Variants in SPPL3 observed in about 807,000 individuals in gnomAD.
The protein encoded by SPPL3 is signal peptide peptidase like 3.
Under a neutral mutation model 42.4 loss-of-function variants are expected in SPPL3, and 5 were observed. The ratio of observed to expected loss-of-function variants is 0.12; its 90% confidence interval spans 0.06 to 0.25. The LOEUF (loss-of-function observed/expected upper bound fraction) is 0.25. Among genes scored for constraint, SPPL3 ranks in the 10% least tolerant of loss-of-function variants. The probability of loss-of-function intolerance (pLI) is 1.00; values close to 1 mark genes in which losing one functional copy is unlikely to be tolerated. For missense variants in SPPL3, 235 were observed against 489.0 expected (o/e 0.48, Z 4.90); for synonymous variants, 195 against 181.8 (o/e 1.07, Z -0.58).
At chr12:120,875,106 C>T (rs984540700) in intron 1 of SPPL3, among the ~76,000 whole-genome samples, 2 of 152,180 alleles carry the variant, frequency 1.3e-5, no homozygotes, top group African/African-American at 2.4e-5. Flanking sequence ...CTTTGAGCTG[C>T]CTCAGCAGAG....
At chr12:120,771,308 C>T (rs1869111773) in intron 6 of SPPL3, among the ~76,000 whole-genome samples, 1 of 152,210 alleles carries the variant, frequency 6.6e-6, no homozygotes. Context: ...CCACAGCAGC[C>T]TCCTCACTCT....
chr12:120,874,631 G>A (rs1252289538), intron 1 of SPPL3, among the ~76,000 whole-genome samples: 1 of 152,080 alleles, frequency 6.6e-6, no homozygotes, highest in Non-Finnish European at 1.5e-5. Context: ...TCCTTTCCCA[G>A]CCCACATGCC....
chr12:120,793,920 T>C (rs1011144508), intron 2 of SPPL3, among the ~76,000 whole-genome samples: 5 of 152,238 alleles, frequency 3.3e-5, no homozygotes, highest in African/African-American at 9.6e-5. Context: ...TTAGGTCAAA[T>C]TGATTAAGAG....
intron 1 of SPPL3, 113 bp downstream of exon 1, chr12:120,903,732 G>GGCCCCCC: frequency 2.6e-6 from 1 of 385,022 alleles, no homozygotes; most frequent in Non-Finnish European, 4.3e-6. Context: ...CCCAACCCGC[G>GGCCCCCC]CCCCCCCCCC....
In SPPL3 at chr12:120,763,211, T is replaced by A. The variant is rs1429833776; in HGVS notation, c.*1788A>T. On this transcript the variant is annotated 3_prime_UTR_variant, in exon 11 of 11. Coordinates refer to ENST00000353487, the MANE Select transcript of SPPL3 (RefSeq NM_139015.5). ...CTCTGTTTGGTACCAACAACCAAAGTGAAGATTATGTGACAAAGGCTACAA... is the reference window on the plus strand; with the variant it reads ...CTCTGTTTGGTACCAACAACCAAAGAGAAGATTATGTGACAAAGGCTACAA... 6.6e-5 allele frequency: 10 copies of A among 152,016 alleles called. No homozygotes were observed. The highest frequency in any genetic ancestry group is 6.6e-4 in the Admixed American group (10 of 15,262). 9.4% of individuals were successfully genotyped at this position (152,016 alleles called of 1,614,324 possible). A position where few individuals can be genotyped will look rare whatever the true frequency, so the allele number is the denominator to read the frequency against.
chr12:120,844,800 G>A (rs1432836236), intron 1 of SPPL3, among the ~76,000 whole-genome samples: 1 of 151,464 alleles, frequency 6.6e-6, no homozygotes, highest in Non-Finnish European at 1.5e-5. Context: ...GACTCCCGGA[G>A]GCCAAGGGCC....
At chr12:120,903,742 CACGACACGCA>C in intron 1 of SPPL3, 93 bp downstream of exon 1, 5 of 744,118 alleles carry the variant, frequency 6.7e-6, no homozygotes, top group African/African-American at 1.9e-5. Flanking sequence ...GCCCCCCCCC[CACGACACGCA>C]CCTGTTCTTC....
At chr12:120,884,805 T>G (rs3180716) in intron 1 of SPPL3, among the ~76,000 whole-genome samples, 1,063 of 76,706 alleles carry the variant, frequency 0.014, 3 homozygotes, top group Middle Eastern at 0.052. Context: ...GTTTTTTTTT[T>G]GGGTTTTTTT....
chr12:120,800,002 T>C (rs996088042), intron 2 of SPPL3, among the ~76,000 whole-genome samples: 7 of 152,220 alleles, frequency 4.6e-5, no homozygotes, highest in Non-Finnish European at 7.3e-5. Flanking sequence ...TGGTAATTTA[T>C]TAAGTGCATA....
intron 2 of SPPL3, among the ~76,000 whole-genome samples, chr12:120,810,557 T>C (rs1001868599): frequency 2.0e-5 from 3 of 152,214 alleles, no homozygotes; most frequent in Admixed American, 2.0e-4. Flanking sequence ...CATTAGGTGA[T>C]TAATTTCAGA....
intron 1 of SPPL3, among the ~76,000 whole-genome samples, chr12:120,849,664 C>T (rs538626288): frequency 5.8e-4 from 88 of 152,286 alleles, no homozygotes; most frequent in Middle Eastern, 3.4e-3. Context: ...ATCAGGCATG[C>T]TAGTTAGCTA....
intron 1 of SPPL3, 90 bp downstream of exon 1, chr12:120,903,755 T>G: frequency 2.9e-5 from 11 of 384,296 alleles, no homozygotes; most frequent in East Asian, 8.2e-5. Flanking sequence ...GACACGCACC[T>G]GTTCTTCCTC....
intron 1 of SPPL3, among the ~76,000 whole-genome samples, chr12:120,868,610 T>C (rs1369621911): frequency 6.6e-6 from 1 of 152,180 alleles, no homozygotes; most frequent in Non-Finnish European, 1.5e-5. Context: ...GCCTCCCAAG[T>C]AGCTGGGACT....
chr12:120,902,482 TCA>T (rs1445708909), intron 1 of SPPL3, among the ~76,000 whole-genome samples: 12 of 152,322 alleles, frequency 7.9e-5, no homozygotes, highest in African/African-American at 2.4e-4. Context: ...CTGTGGCACT[TCA>T]CAGTTTGCCA....
chr12:120,851,273 T>G (rs1257597891), intron 1 of SPPL3, among the ~76,000 whole-genome samples: 1 of 152,110 alleles, frequency 6.6e-6, no homozygotes, highest in African/African-American at 2.4e-5. Context: ...ATACCACTTC[T>G]CCTCCACCAG....
chr12:120,873,485 A>G (rs879214394), intron 1 of SPPL3, among the ~76,000 whole-genome samples: 1 of 152,208 alleles, frequency 6.6e-6, no homozygotes, highest in South Asian at 2.1e-4. Context: ...ATAAAACCAC[A>G]TCAAGGCACA....
chr12:120,795,432 C>G (rs532140), intron 2 of SPPL3, among the ~76,000 whole-genome samples: 1 of 152,132 alleles, frequency 6.6e-6, no homozygotes, highest in South Asian at 2.1e-4. Flanking sequence ...GAATTCTTTC[C>G]GGTAGTGTAT....
intron 1 of SPPL3, among the ~76,000 whole-genome samples, chr12:120,892,308 T>C (rs900901254): frequency 2.0e-5 from 3 of 152,048 alleles, no homozygotes; most frequent in Non-Finnish European, 2.9e-5. Flanking sequence ...TTAAATACAT[T>C]CAATACAAGG....
chr12:120,833,011 T>C (rs976658646), intron 1 of SPPL3, among the ~76,000 whole-genome samples: 1 of 152,198 alleles, frequency 6.6e-6, no homozygotes, highest in African/African-American at 2.4e-5. Context: ...AAAATAACTT[T>C]AAATGCACTA....
Sources: gnomAD v4.1 joint callset for allele counts (sites outside exome capture counted in the v4.1 genomes callset) on GRCh38, gnomAD v4.1.1 for gene constraint, MANE v1.5 for transcripts, NCBI Gene and HGNC (gene_info 2026-07-23, HGNC 2026-07-21) for gene names.